DMD: variants seen among roughly 807,000 people sequenced by gnomAD.
DMD encodes the protein mutant dystrophin.
DMD carries 63 observed loss-of-function variants against 330.1 expected under a neutral mutation model. The observed-to-expected ratio is 0.19, with a 90% CI of 0.16 to 0.24. The LOEUF (loss-of-function observed/expected upper bound fraction) is 0.24, where lower values mean the gene tolerates loss of function less well. DMD is among the 10% of genes least tolerant of loss of function. The probability of loss-of-function intolerance (pLI) is 1.00; values close to 1 mark genes in which losing one functional copy is unlikely to be tolerated. For synonymous variants in DMD, 1,223 were observed against 959.8 expected (o/e 1.27, Z -5.07); for missense variants, 3,344 against 2,684.1 (o/e 1.25, Z -5.43).
chrX:32,776,366 C>T lies in DMD; in HGVS notation c.649+33127G>A, dbSNP rs145317115. On this transcript the variant is annotated intron_variant, in intron 7 of 78. Coordinates refer to ENST00000357033, the MANE Select transcript of DMD (RefSeq NM_004006.3). ...AATTGCTATATTTATAGCAATGCCCCACTATCTGGGCACCAATTTTCTGTT... is the reference window on the plus strand; with the variant it reads ...AATTGCTATATTTATAGCAATGCCCTACTATCTGGGCACCAATTTTCTGTT... Among the ~76,000 whole-genome samples the T allele has an allele frequency of 3.2e-3, 350 of 110,274 alleles. 1 individual carries two copies. Among genetic ancestry groups the T allele is most frequent in the African/African-American group, 0.011 (323 of 30,265 alleles).
At position 31,612,577 on chromosome X, in the gene DMD, A is replaced by G. The variant is rs143828964; in HGVS notation, c.8217+15096T>C. 1.4e-3 allele frequency among the ~76,000 whole-genome samples: 160 copies of G among 111,845 alleles called. 1 individual carries two copies. The highest frequency in any genetic ancestry group is 4.8e-3 in the African/African-American group (149 of 30,817). ...GAGAAGAGAGATGAACTAAACTGAG[A>G]AAAACTAAGACTTTCTTAAGGCTGC... is the stretch of plus-strand genomic sequence containing the variant. On this transcript the variant is annotated intron_variant, in intron 55 of 78. Coordinates refer to ENST00000357033, the MANE Select transcript of DMD (RefSeq NM_004006.3).
At chrX:32,452,340 G>T (rs5972573) in intron 26 of DMD, among the ~76,000 whole-genome samples, 412 of 6,556 alleles carry the variant, frequency 0.063, 10 homozygotes, top group South Asian at 0.1. Context: ...AAAGTGAAAG[G>T]GAAAGGGAAA....
intron 44 of DMD, among the ~76,000 whole-genome samples, chrX:32,042,636 T>C (rs750287954): frequency 8.9e-6 from 1 of 112,068 alleles, no homozygotes; most frequent in Non-Finnish European, 1.9e-5. Flanking sequence ...AACATGTTCA[T>C]CAAAATCAAC....
intron 64 of DMD, among the ~76,000 whole-genome samples, chrX:31,214,719 C>T (rs5972337): frequency 9.1e-6 from 1 of 109,691 alleles, no homozygotes; most frequent in African/African-American, 3.3e-5. Flanking sequence ...AAATTCAAAT[C>T]TAGAAGTAGA....
intron 61 of DMD, among the ~76,000 whole-genome samples, chrX:31,326,369 CT>C (rs907147609): frequency 9.0e-6 from 1 of 110,735 alleles, no homozygotes. Context: ...AAATTTCAAG[CT>C]TTTGTAATTG....
At chrX:33,143,127 TAGTG>T (rs1338940273) in intron 1 of DMD, among the ~76,000 whole-genome samples, 2 of 111,934 alleles carry the variant, frequency 1.8e-5, no homozygotes, top group East Asian at 5.6e-4. Flanking sequence ...TATGTTGGTT[TAGTG>T]AGTATTTTCA....
At chrX:32,628,720 C>T (rs976401057) in intron 11 of DMD, among the ~76,000 whole-genome samples, 1 of 110,551 alleles carries the variant, frequency 9.0e-6, no homozygotes, top group Non-Finnish European at 1.9e-5. Flanking sequence ...ATTGCGTTTC[C>T]TTTTTCATTC....
intron 60 of DMD, among the ~76,000 whole-genome samples, chrX:31,396,189 G>A (rs1339956199): frequency 9.4e-6 from 1 of 106,425 alleles, no homozygotes; most frequent in Non-Finnish European, 1.9e-5. Context: ...CCAGGCTGGA[G>A]TGCAGTGGCG....
Position 32,491,470 on chromosome X carries a change from C to T in DMD, c.2429G>A (p.Ser810Asn), listed in dbSNP as rs1371616520. Residue 810 changes from serine (S) to asparagine (N), a missense_variant, in exon 20 of 79, where the codon AGC (serine) becomes AAC (asparagine). Coordinates refer to ENST00000357033, the MANE Select transcript of DMD (RefSeq NM_004006.3). Reference protein sequence around the residue: ...SIKQASEQLNSRWIEFCQLLS... With the variant: ...SIKQASEQLNNRWIEFCQLLS... ...CAACTGGCAGAATTCGATCCACCGG[C>T]TGTTCAGTTGTTCTGAGGCTTGTTT... is the stretch of plus-strand genomic sequence containing the variant. 8.3e-7 allele frequency: 1 copy of T among 1,211,086 alleles called. No homozygotes were observed. Among genetic ancestry groups the T allele is most frequent in the Non-Finnish European group, 1.1e-6 (1 of 894,988 alleles).
At chrX:31,527,079 C>T (rs768062389) in intron 55 of DMD, among the ~76,000 whole-genome samples, 11 of 111,516 alleles carry the variant, frequency 9.9e-5, no homozygotes, top group Non-Finnish European at 1.7e-4. Flanking sequence ...TGTGCCACTG[C>T]ACTCCAGCCT....
intron 29 of DMD, among the ~76,000 whole-genome samples, chrX:32,421,913 T>C (rs932906421): frequency 9.0e-6 from 1 of 111,634 alleles, no homozygotes; most frequent in African/African-American, 3.3e-5. Context: ...GTCAACATTG[T>C]GGTTCGGGTG....
At chrX:31,778,565 A>ATTTTTTTTTTTTTT in intron 50 of DMD, among the ~76,000 whole-genome samples, 1 of 63,059 alleles carries the variant, frequency 1.6e-5, no homozygotes, top group Non-Finnish European at 2.7e-5. Flanking sequence ...AAGTCCTGAA[A>ATTTTTTTTTTTTTT]TTTTTTTTTT....
intron 1 of DMD, among the ~76,000 whole-genome samples, chrX:33,305,180 A>G (rs1290216050): frequency 9.4e-6 from 1 of 106,544 alleles, no homozygotes; most frequent in Non-Finnish European, 1.9e-5. Context: ...ATGTCCAACA[A>G]TGATAGACTG....
chrX:33,207,738 T>A (rs2148851639), intron 1 of DMD, among the ~76,000 whole-genome samples: 1 of 112,043 alleles, frequency 8.9e-6, no homozygotes, highest in South Asian at 3.7e-4. Context: ...GAAGTCTAAC[T>A]AATAGATGTT....
intron 7 of DMD, among the ~76,000 whole-genome samples, chrX:32,729,619 C>A (rs951750332): frequency 1.8e-5 from 2 of 111,431 alleles, no homozygotes; most frequent in African/African-American, 6.5e-5. Flanking sequence ...CAGATTTCTA[C>A]CCTTGTAAGT....
chrX:32,407,356 C>G (rs1487546851), intron 30 of DMD, among the ~76,000 whole-genome samples: 1 of 111,589 alleles, frequency 9.0e-6, no homozygotes, highest in Admixed American at 9.5e-5. Context: ...ATTTATGCAG[C>G]CAAAAGACAC....
At chrX:31,758,456 C>T (rs761167875) in intron 51 of DMD, among the ~76,000 whole-genome samples, 1 of 111,068 alleles carries the variant, frequency 9.0e-6, no homozygotes, top group Non-Finnish European at 1.9e-5. Flanking sequence ...CCTTTCAATC[C>T]AACTGAAAAA....
chrX:31,837,129 T>A (rs2093217106), intron 48 of DMD, among the ~76,000 whole-genome samples: 1 of 112,557 alleles, frequency 8.9e-6, no homozygotes, highest in Admixed American at 9.4e-5. Context: ...TTTATATGAA[T>A]AAACACTAGT....
chrX:33,041,302 G>A (rs2094295623), intron 1 of DMD: 10 of 992,627 alleles, frequency 1.0e-5, no homozygotes, highest in African/African-American at 1.9e-5. Flanking sequence ...CATGCGCGCC[G>A]GCGACCAAGC....
Sources: gnomAD v4.1 joint callset for allele counts (sites outside exome capture counted in the v4.1 genomes callset) on GRCh38, gnomAD v4.1.1 for gene constraint, MANE v1.5 for transcripts, NCBI Gene and HGNC (gene_info 2026-07-23, HGNC 2026-07-21) for gene names.